The following UNC13C variants were observed in gnomAD, a reference collection of about 807,000 sequenced individuals.
UNC13C encodes unc-13 homolog C.
Under a neutral mutation model 245.4 loss-of-function variants are expected in UNC13C, and 174 were observed. That is an observed-to-expected ratio of 0.71 (90% CI 0.63 to 0.80). The LOEUF (loss-of-function observed/expected upper bound fraction) is 0.80, where lower values mean the gene tolerates loss of function less well. Among genes scored for constraint, UNC13C ranks in the 30% least tolerant of loss-of-function variants. UNC13C has a pLI of 0.00. For synonymous variants in UNC13C, 992 were observed against 895.1 expected, an observed-to-expected ratio of 1.11 and a Z score of -1.93; for missense variants, 2,829 against 2,602.9, an observed-to-expected ratio of 1.09 and a Z score of -1.89.
chr15:54,357,581 A>T (rs1159825802), intron 17 of UNC13C, among the ~76,000 whole-genome samples: 1 of 152,078 alleles, frequency 6.6e-6, no homozygotes, highest in Non-Finnish European at 1.5e-5. Context: ...ATAAAGCAGA[A>T]ATTGAAGAGG....
chr15:53,976,457 T>TTC (rs148861102), upstream of UNC13C, among the ~76,000 whole-genome samples: 3 of 101,018 alleles, frequency 3.0e-5, no homozygotes, highest in African/African-American at 1.0e-4. Flanking sequence ...TTTTTCTTCT[T>TTC]TCTCTCTCTC....
intron 2 of UNC13C, chr15:54,044,568 G>C (rs112294783): frequency 5.3e-4 from 92 of 173,510 alleles, no homozygotes; most frequent in African/African-American, 2.0e-3. Flanking sequence ...GGGGTGGGGG[G>C]TGTGGGGGAG....
At chr15:53,936,671 C>T in the UNC13C span, among the ~76,000 whole-genome samples, 1 of 152,194 alleles carries the variant, frequency 6.6e-6, no homozygotes, top group Non-Finnish European at 1.5e-5. Flanking sequence ...GAGGAAGGAG[C>T]AGGCTGCCAC....
chr15:54,124,787 A>G (rs1481930464), intron 2 of UNC13C, among the ~76,000 whole-genome samples: 1 of 152,048 alleles, frequency 6.6e-6, no homozygotes, highest in Admixed American at 6.6e-5. Flanking sequence ...TTTTGAGATA[A>G]TTTTTGCAAA....
intron 4 of UNC13C, among the ~76,000 whole-genome samples, chr15:54,180,714 T>C (rs2033769327): frequency 6.6e-6 from 1 of 152,066 alleles, no homozygotes; most frequent in Admixed American, 6.6e-5. Flanking sequence ...GGTATCTCAT[T>C]GTAGTTTTGA....
intron 4 of UNC13C, among the ~76,000 whole-genome samples, chr15:54,223,485 G>T (rs930810507): frequency 6.6e-6 from 1 of 152,004 alleles, no homozygotes; most frequent in African/African-American, 2.4e-5. Flanking sequence ...TGCTATTTTG[G>T]TTACTGTAGC....
At chr15:54,128,408 T>C (rs922908801) in intron 2 of UNC13C, among the ~76,000 whole-genome samples, 2 of 152,230 alleles carry the variant, frequency 1.3e-5, no homozygotes, top group African/African-American at 4.8e-5. Flanking sequence ...TCAGACATAT[T>C]TAGAATTGTT....
intron 10 of UNC13C, among the ~76,000 whole-genome samples, chr15:54,293,608 A>C (rs2037357452): frequency 6.6e-6 from 1 of 152,022 alleles, no homozygotes; most frequent in Non-Finnish European, 1.5e-5. Flanking sequence ...GGCATAAGTG[A>C]AAATATCACA....
intron 13 of UNC13C, among the ~76,000 whole-genome samples, chr15:54,307,479 A>G (rs775978623): frequency 1.3e-5 from 2 of 152,008 alleles, no homozygotes; most frequent in South Asian, 2.1e-4. Flanking sequence ...CATGAACACA[A>G]CTGTTCAGAC....
rs1413705901 is a variant in UNC13C at position 54,304,749 on chromosome 15, G to C, written c.4268+4376G>C. On this transcript the variant is annotated intron_variant, in intron 13 of 32. Coordinates refer to ENST00000260323, the MANE Select transcript of UNC13C (RefSeq NM_001080534.3). ...TCTAATTAACTTTGGTGCAATTTTT[G>C]CTTTGGCAGTACAAAATTTTCCATT... 4.7e-5 allele frequency among the ~76,000 whole-genome samples: 7 copies of C among 147,830 alleles called. 1 individual carries two copies. In the Admixed American group the frequency reaches 4.7e-4, roughly 10 times the overall value.
At chr15:54,490,294 C>T (rs913951435) in intron 19 of UNC13C, among the ~76,000 whole-genome samples, 1 of 152,130 alleles carries the variant, frequency 6.6e-6, no homozygotes, top group Admixed American at 6.5e-5. Context: ...GGTATCTTTC[C>T]TATCTCCTTT....
At chr15:53,941,096 A>G in the UNC13C span, among the ~76,000 whole-genome samples, 1 of 152,176 alleles carries the variant, frequency 6.6e-6, no homozygotes, top group Non-Finnish European at 1.5e-5. Flanking sequence ...TTGTACTGGT[A>G]CAAAACAGAC....
At chr15:53,918,476 CAA>C in the UNC13C span, among the ~76,000 whole-genome samples, 1 of 152,160 alleles carries the variant, frequency 6.6e-6, no homozygotes, top group Non-Finnish European at 1.5e-5. Context: ...TCATAGTTTA[CAA>C]AGTCTCCCAC....
At chr15:54,294,984 G>C (rs2037391463) in intron 11 of UNC13C, among the ~76,000 whole-genome samples, 1 of 152,116 alleles carries the variant, frequency 6.6e-6, no homozygotes. Context: ...CAATGAAAGA[G>C]ATATTTAATT....
intron 2 of UNC13C, among the ~76,000 whole-genome samples, chr15:54,076,624 T>C (rs533225459): frequency 8.0e-5 from 9 of 112,670 alleles, no homozygotes; most frequent in Non-Finnish European, 2.1e-4. Flanking sequence ...AGGAGGTTGC[T>C]GGCAGAGTGA....
Position 54,013,915 on chromosome 15 carries a change from G to C in UNC13C, c.1012G>C (p.Val338Leu). ...EERFEYVESV[V>L]YQILIDKMGF... ...AAGATTTGAATATGTTGAAAGCGTG[G>C]TGTACCAAATTCTAATAGATAAAAT... is the stretch of plus-strand genomic sequence containing the variant. The change falls in exon 2 of 33, where the codon GTG (valine) becomes CTG (leucine). Residue 338 changes from valine to leucine, a missense_variant. Coordinates refer to ENST00000260323, the MANE Select transcript of UNC13C (RefSeq NM_001080534.3). The C allele has an allele frequency of 6.2e-7, 1 of 1,613,230 alleles. No individual in the cohort carries two copies. The highest frequency in any genetic ancestry group is 1.3e-5 in the African/African-American group (1 of 74,956).
In UNC13C at chr15:54,143,613, A is replaced by G; in HGVS notation, c.3007-7A>G. 1 of 1,612,388 alleles carries G rather than the reference A, an allele frequency of 6.2e-7. No homozygotes were observed. The highest frequency in any genetic ancestry group is 8.5e-7 in the Non-Finnish European group (1 of 1,178,758). Reference sequence around the variant, plus strand: ...TTGTTTTGTTTTTCTCTTACTCTTCATTTAAGGCTCGAATAGTAAGTGGCA... The same window carrying G: ...TTGTTTTGTTTTTCTCTTACTCTTCGTTTAAGGCTCGAATAGTAAGTGGCA... On this transcript the variant is annotated splice_region_variant and splice_polypyrimidine_tract_variant and intron_variant, in intron 3 of 32. Transcript: ENST00000260323.
intron 19 of UNC13C, among the ~76,000 whole-genome samples, chr15:54,467,088 G>C (rs1250268616): frequency 1.3e-5 from 2 of 151,796 alleles, no homozygotes; most frequent in African/African-American, 2.4e-5. Flanking sequence ...GTTTCTAAAT[G>C]AGAATTTCTG....
intron 19 of UNC13C, among the ~76,000 whole-genome samples, chr15:54,456,573 A>C (rs905125984): frequency 6.7e-6 from 1 of 150,066 alleles, no homozygotes; most frequent in Non-Finnish European, 1.5e-5. Flanking sequence ...CTCTTTTGTT[A>C]GGTTTACTCC....
Sources: gnomAD v4.1 joint callset for allele counts (sites outside exome capture counted in the v4.1 genomes callset) on GRCh38, gnomAD v4.1.1 for gene constraint, MANE v1.5 for transcripts, NCBI Gene and HGNC (gene_info 2026-07-23, HGNC 2026-07-21) for gene names.